BROX: variants seen among roughly 807,000 people sequenced by gnomAD.
The protein encoded by BROX is BRO1 domain-containing protein BROX.
Under a neutral mutation model 61.0 loss-of-function variants are expected in BROX, and 53 were observed. The ratio of observed to expected loss-of-function variants is 0.87; its 90% CI spans 0.70 to 1.09. The LOEUF (loss-of-function observed/expected upper bound fraction) is 1.09. Ranked by LOEUF, BROX falls within the 50% of genes least tolerant of loss-of-function variation. The pLI is 0.00. For synonymous variants in BROX, 152 were observed against 160.2 expected (o/e 0.95, Z 0.38); for missense variants, 489 against 472.0 (o/e 1.04, Z -0.33).
rs1332361545 is a variant in BROX, at chr1:222,712,654, C to A, written c.-305C>A. Reference sequence around the variant, plus strand: ...TTCTCTTCCTGTCTGGGAAAAAGACCATAGCTCAAAAGGAAGGCCGAGGGA... The same window carrying A: ...TTCTCTTCCTGTCTGGGAAAAAGACAATAGCTCAAAAGGAAGGCCGAGGGA... On this transcript the variant is annotated 5_prime_UTR_variant, in exon 1 of 13. Coordinates refer to ENST00000340934, the MANE Select transcript of BROX (RefSeq NM_144695.4). The A allele has an allele frequency of 2.3e-6, 3 of 1,314,094 alleles. No individual in the cohort carries two copies. In the East Asian group the frequency reaches 1.4e-4, roughly 62 times the overall value. 81.4% of individuals were successfully genotyped at this position (1,314,094 alleles called of 1,614,324 possible).
chr1:222,730,122 C>G lies in BROX; in HGVS notation c.934C>G (p.Leu312Val). 1 of 1,612,676 alleles carries G rather than the reference C, an allele frequency of 6.2e-7. No individual in the cohort carries two copies. The highest frequency in any genetic ancestry group is 1.3e-5 in the African/African-American group (1 of 75,006). ...TTCAGGACATCTGTTCTTTAGGAAA[C>G]TTGGAAACCTTGTGAAGAACACCCT... Reference protein sequence around the residue: ...KPSGHLFFRKLGNLVKNTLEK... With the variant: ...KPSGHLFFRKVGNLVKNTLEK... The change falls in exon 11 of 13, where the codon CTT becomes GTT. Residue 312 changes from leucine (L) to valine (V), a missense_variant. Coordinates refer to ENST00000340934, the MANE Select transcript of BROX (RefSeq NM_144695.4).
chr1:222,713,075 A>G, intron 1 of BROX, 133 bp downstream of exon 1: 1 of 1,033,864 alleles, frequency 9.7e-7, no homozygotes, highest in Non-Finnish European at 1.2e-6. Flanking sequence ...GTCTCCTTCT[A>G]GTGCCTTGAA....
At chr1:222,727,479 C>T (rs1446685927) in intron 8 of BROX, among the ~76,000 whole-genome samples, 2 of 152,216 alleles carry the variant, frequency 1.3e-5, no homozygotes, top group Non-Finnish European at 2.9e-5. Context: ...AATTATACAG[C>T]TTTTTTGCTT....
chr1:222,713,096 G>A (rs1350501271), intron 1 of BROX, 154 bp downstream of exon 1: 1 of 1,019,938 alleles, frequency 9.8e-7, no homozygotes, highest in African/African-American at 1.7e-5. Context: ...ACAAACGACA[G>A]AAAGAAAATC....
intron 7 of BROX, among the ~76,000 whole-genome samples, chr1:222,726,874 C>T (rs890520517): frequency 2.0e-5 from 3 of 152,114 alleles, no homozygotes; most frequent in East Asian, 3.9e-4. Flanking sequence ...GACAGCAAGA[C>T]CCTGTCTCAG....
At chr1:222,726,937 G>A (rs1657543826) in intron 7 of BROX, among the ~76,000 whole-genome samples, 4 of 152,160 alleles carry the variant, frequency 2.6e-5, no homozygotes, top group Admixed American at 2.6e-4. Flanking sequence ...GATTCTCTAT[G>A]ATTAGCTGGT....
rs767669183 is a variant in BROX at position 222,725,508 on chromosome 1, G to A, written c.533G>A (p.Arg178Gln). 5 of 1,613,104 alleles carry A rather than the reference G, an allele frequency of 3.1e-6. No homozygotes were observed. The highest frequency in any genetic ancestry group is 1.3e-5 in the African/African-American group (1 of 74,854). Residue 178 changes from arginine (R) to glutamine (Q), a missense_variant, in exon 7 of 13, where the codon CGA (arginine) becomes CAA (glutamine). Arg to Gln is a conservative substitution (Grantham distance 43). Coordinates refer to ENST00000340934, the MANE Select transcript of BROX (RefSeq NM_144695.4). ...GAAAAAGGAAGAGATTTAGAGTCAC[G>A]ACTCATAGAAGCATACGTTATTCAA... ...PAEKGRDLES[R>Q]LIEAYVIQCQ...
At chr1:222,730,732 G>A (rs1657872682) in intron 11 of BROX, among the ~76,000 whole-genome samples, 1 of 152,036 alleles carries the variant, frequency 6.6e-6, no homozygotes, top group African/African-American at 2.4e-5. Flanking sequence ...AGTTATTAAC[G>A]TAGAGTTAAC....
chr1:222,723,080 G>C (rs757455519), intron 5 of BROX, among the ~76,000 whole-genome samples: 1 of 152,172 alleles, frequency 6.6e-6, no homozygotes, highest in Non-Finnish European at 1.5e-5. Context: ...TCATCCATAC[G>C]TGGGAATAAT....
intron 7 of BROX, 91 bp from the exon 8 acceptor site, chr1:222,727,077 G>T: frequency 1.1e-6 from 1 of 896,818 alleles, no homozygotes; most frequent in South Asian, 1.5e-5. Flanking sequence ...ATCCCAGAGA[G>T]ATTATCAGAC....
chr1:222,724,023 T>C (rs938508029), intron 5 of BROX, 69 bp from the exon 6 acceptor site: 12 of 1,056,372 alleles, frequency 1.1e-5, no homozygotes, highest in Admixed American at 2.2e-5. Flanking sequence ...TATAATAATG[T>C]ATTGGTTGTT....
At position 222,733,782 on chromosome 1, in the gene BROX, A is replaced by G. The variant is rs1278715840; in HGVS notation, c.*1068A>G. The G allele has an allele frequency of 3.3e-5, 5 of 152,338 alleles. No individual in the cohort carries two copies. The East Asian group carries it at 5.8e-4, about 18-fold the overall frequency. The allele number at this position is 152,338 out of a possible 1,614,324, so 9.4% of individuals were successfully genotyped here. ...TTTACTTAGAGGAAAGAACTTTGTAATAGCTCTTAATGTTTATATATAAGA... is the reference window on the plus strand; with the variant it reads ...TTTACTTAGAGGAAAGAACTTTGTAGTAGCTCTTAATGTTTATATATAAGA... On this transcript the variant is annotated 3_prime_UTR_variant, in exon 13 of 13. Coordinates refer to ENST00000340934, the MANE Select transcript of BROX (RefSeq NM_144695.4).
At chr1:222,731,942 A>G (rs1011723402) in intron 12 of BROX, among the ~76,000 whole-genome samples, 16 of 152,314 alleles carry the variant, frequency 1.1e-4, no homozygotes, top group African/African-American at 3.6e-4. Flanking sequence ...GTATCTAAGT[A>G]CATCTTGGTG....
intron 3 of BROX, 27 bp from the exon 4 acceptor site, chr1:222,719,236 A>G: frequency 6.6e-7 from 1 of 1,504,172 alleles, no homozygotes; most frequent in Non-Finnish European, 9.2e-7. Context: ...TTCTTCTAAA[A>G]CTAAAATGTC....
intron 2 of BROX, among the ~76,000 whole-genome samples, chr1:222,716,388 C>T (rs1656612298): frequency 6.6e-6 from 1 of 152,190 alleles, no homozygotes; most frequent in Non-Finnish European, 1.5e-5. Context: ...CGTGAGCCAC[C>T]ATGCCCAGCT....
At chr1:222,723,008 G>A (rs1189177080) in intron 5 of BROX, among the ~76,000 whole-genome samples, 1 of 152,148 alleles carries the variant, frequency 6.6e-6, no homozygotes, top group Admixed American at 6.5e-5. Context: ...AATTATAAAA[G>A]GTGATACAAT....
chr1:222,712,590 T>C lies in BROX; in HGVS notation c.-369T>C, dbSNP rs1571950497. On this transcript the variant is annotated 5_prime_UTR_variant, in exon 1 of 13. Transcript: ENST00000340934. ...CTGCGCCGAGGGCCGCCATCGCTAT[T>C]GCGGCATTCTCCCTCGGCTCCGGAG... The C allele has an allele frequency of 2.2e-6, 3 of 1,363,250 alleles. No individual in the cohort carries two copies. The highest frequency in any genetic ancestry group is 2.9e-6 in the Non-Finnish European group (3 of 1,046,398). 84.4% of individuals were successfully genotyped at this position (1,363,250 alleles called of 1,614,324 possible). A position where few individuals can be genotyped will look rare whatever the true frequency, so the allele number is the denominator to read the frequency against.
At chr1:222,722,302 C>T (rs1005572018) in intron 4 of BROX, 117 bp from the exon 5 acceptor site, 2 of 794,242 alleles carry the variant, frequency 2.5e-6, no homozygotes, top group African/African-American at 1.7e-5. Context: ...AACCATTTTC[C>T]TCATACATAC....
chr1:222,729,948 C>A, intron 10 of BROX, 79 bp from the exon 11 acceptor site: 1 of 1,356,434 alleles, frequency 7.4e-7, no homozygotes, highest in Admixed American at 2.2e-5. Context: ...TGTCTTATCA[C>A]CTCCAGTTTA....
Sources: gnomAD v4.1 joint callset for allele counts (sites outside exome capture counted in the v4.1 genomes callset) on GRCh38, gnomAD v4.1.1 for gene constraint, MANE v1.5 for transcripts, NCBI Gene and HGNC (gene_info 2026-07-23, HGNC 2026-07-21) for gene names.